Variants in RALGAPA2 observed in about 807,000 individuals in gnomAD.
The protein encoded by RALGAPA2 is ral GTPase-activating protein subunit alpha-2.
In RALGAPA2, 139 loss-of-function variants were observed where a neutral mutation model predicts 230.4. The observed-to-expected ratio is 0.60, with a 90% CI of 0.53 to 0.69. RALGAPA2 has a LOEUF of 0.69. Among genes scored for constraint, RALGAPA2 ranks in the 30% least tolerant of loss-of-function variants. The pLI is 0.00. For synonymous variants in RALGAPA2, 847 were observed against 837.8 expected, an observed-to-expected ratio of 1.01 and a Z score of -0.19; for missense variants, 2,163 against 2,276.0, an observed-to-expected ratio of 0.95 and a Z score of 1.01.
At chr20:20,598,696 CAAG>C (rs1429902702) in intron 16 of RALGAPA2, 1 of 456,100 alleles carries the variant, frequency 2.2e-6, no homozygotes, top group Non-Finnish European at 4.4e-6. Context: ...CCTGTGAGAG[CAAG>C]AAGAGTAAGA....
intron 15 of RALGAPA2, among the ~76,000 whole-genome samples, chr20:20,602,972 G>A (rs568155613): frequency 6.2e-4 from 94 of 152,168 alleles, no homozygotes; most frequent in Non-Finnish European, 1.3e-3. Context: ...CTTCTGGGCT[G>A]AGAACGACTG....
intron 27 of RALGAPA2, among the ~76,000 whole-genome samples, chr20:20,527,633 C>G (rs1446190243): frequency 6.6e-6 from 1 of 152,078 alleles, no homozygotes; most frequent in African/African-American, 2.4e-5. Context: ...GGTGGCCCAC[C>G]CCCTCAGCTC....
At chr20:20,612,712 C>T (rs542684206) in intron 13 of RALGAPA2, among the ~76,000 whole-genome samples, 3 of 152,276 alleles carry the variant, frequency 2.0e-5, no homozygotes, top group Admixed American at 6.5e-5. Flanking sequence ...TGGGCACACA[C>T]GCTGAAGCAG....
chr20:20,544,241 G>A (rs1346970726), intron 24 of RALGAPA2, among the ~76,000 whole-genome samples: 3 of 151,346 alleles, frequency 2.0e-5, no homozygotes, highest in African/African-American at 7.3e-5. Flanking sequence ...CTAACACGGT[G>A]AAACTCCATC....
intron 31 of RALGAPA2, 95 bp from the exon 32 acceptor site, chr20:20,513,379 A>T (rs1490334982): frequency 1.9e-6 from 2 of 1,050,534 alleles, no homozygotes; most frequent in African/African-American, 3.3e-5. Context: ...GGGCAGTTCC[A>T]ATATGGTAGA....
At chr20:20,416,814 AT>A (rs2060174796) in intron 37 of RALGAPA2, among the ~76,000 whole-genome samples, 1 of 152,172 alleles carries the variant, frequency 6.6e-6, no homozygotes, top group South Asian at 2.1e-4. Flanking sequence ...TGCAGACTGT[AT>A]TTTTTCAACC....
chr20:20,687,641 C>T (rs2068754224), intron 1 of RALGAPA2, among the ~76,000 whole-genome samples: 1 of 152,162 alleles, frequency 6.6e-6, no homozygotes, highest in Admixed American at 6.5e-5. Context: ...AGACCCAACA[C>T]AGTGAGGGAG....
intron 4 of RALGAPA2, among the ~76,000 whole-genome samples, chr20:20,643,774 G>A (rs2067118041): frequency 6.6e-6 from 1 of 151,868 alleles, no homozygotes; most frequent in African/African-American, 2.4e-5. Context: ...CAAAATGACT[G>A]ATATTAAGGT....
chr20:20,465,532 AAGAAG>A (rs2061402831), intron 37 of RALGAPA2, among the ~76,000 whole-genome samples: 1 of 152,180 alleles, frequency 6.6e-6, no homozygotes, highest in African/African-American at 2.4e-5. Context: ...GAAAGAGAGA[AAGAAG>A]GAAGAATGAG....
rs896315247 is a variant in RALGAPA2, at chr20:20,395,170, C to A, written c.*35+1525G>T. Among the ~76,000 whole-genome samples, 21 of 152,334 alleles carry A rather than the reference C, an allele frequency of 1.4e-4. No individual in the cohort carries two copies. In the East Asian group the frequency reaches 1.7e-3, roughly 13 times the overall value. On this transcript the variant is annotated intron_variant, in intron 39 of 39. Transcript: ENST00000202677. The stretch of plus-strand genomic sequence containing the variant: ...GCACCTGAAAGCAGGGATCCCATGG[C>A]CAGGGGCAAAGGGCAAAGCCACCCC...
intron 37 of RALGAPA2, among the ~76,000 whole-genome samples, chr20:20,466,483 T>C (rs1421947510): frequency 1.3e-5 from 2 of 152,226 alleles, no homozygotes; most frequent in African/African-American, 4.8e-5. Context: ...GCCATCCTCT[T>C]TTAATACCTC....
intron 23 of RALGAPA2, among the ~76,000 whole-genome samples, chr20:20,560,291 G>A (rs2064218760): frequency 6.6e-6 from 1 of 152,188 alleles, no homozygotes; most frequent in African/African-American, 2.4e-5. Flanking sequence ...TTGTTTTAAT[G>A]TCTTATTATT....
intron 1 of RALGAPA2, among the ~76,000 whole-genome samples, chr20:20,690,311 C>G (rs2068856382): frequency 6.6e-6 from 1 of 152,114 alleles, no homozygotes; most frequent in Non-Finnish European, 1.5e-5. Flanking sequence ...CCCCTTGCTC[C>G]TTGCAAGACC....
intron 37 of RALGAPA2, among the ~76,000 whole-genome samples, chr20:20,464,866 A>G (rs2061380093): frequency 6.6e-6 from 1 of 152,106 alleles, no homozygotes; most frequent in African/African-American, 2.4e-5. Context: ...CTTGAATCCT[A>G]TCTATTTTTG....
intron 37 of RALGAPA2, among the ~76,000 whole-genome samples, chr20:20,467,738 C>T (rs1191418468): frequency 1.3e-5 from 2 of 152,176 alleles, no homozygotes; most frequent in African/African-American, 4.8e-5. Context: ...GTCAAGAGCT[C>T]CTCTTTGAAT....
intron 37 of RALGAPA2, among the ~76,000 whole-genome samples, chr20:20,459,985 C>A (rs1371650579): frequency 6.6e-6 from 1 of 152,218 alleles, no homozygotes; most frequent in Non-Finnish European, 1.5e-5. Context: ...ACAGTTATAA[C>A]CCATCCTGGC....
rs749843106 is a variant in RALGAPA2, at chr20:20,412,013, A to G, written c.5617+14T>C. 7.4e-6 allele frequency: 12 copies of G among 1,613,734 alleles called. No homozygotes were observed. Among genetic ancestry groups the G allele is most frequent in the South Asian group, 5.5e-5 (5 of 91,082 alleles). On this transcript the variant is annotated intron_variant, in intron 38 of 39. Coordinates refer to ENST00000202677, the MANE Select transcript of RALGAPA2 (RefSeq NM_020343.4). ...GTCTTAAGCGCGTGAGAGAAGAATAATGTAGACACTCACCCGTTCCGCTGA... is the reference window on the plus strand; with the variant it reads ...GTCTTAAGCGCGTGAGAGAAGAATAGTGTAGACACTCACCCGTTCCGCTGA...
At chr20:20,584,034 AG>A (rs1320844544) in intron 19 of RALGAPA2, among the ~76,000 whole-genome samples, 2 of 152,184 alleles carry the variant, frequency 1.3e-5, no homozygotes, top group Non-Finnish European at 2.9e-5. Flanking sequence ...GACCAATGGT[AG>A]GTCCCAAACT....
chr20:20,699,236 T>C (rs1320186523), intron 1 of RALGAPA2, among the ~76,000 whole-genome samples: 1 of 152,248 alleles, frequency 6.6e-6, no homozygotes, highest in Non-Finnish European at 1.5e-5. Context: ...TGTCTGTTTC[T>C]ATATTTATTT....
Sources: gnomAD v4.1 joint callset for allele counts (sites outside exome capture counted in the v4.1 genomes callset) on GRCh38, gnomAD v4.1.1 for gene constraint, MANE v1.5 for transcripts, NCBI Gene and HGNC (gene_info 2026-07-23, HGNC 2026-07-21) for gene names.